Variants in HPSE2 observed in about 807,000 individuals in gnomAD.
HPSE2 encodes the protein heparanase 2 (inactive), also known as inactive heparanase-2.
A neutral mutation model predicts 60.5 loss-of-function variants in HPSE2; 38 were observed. That is an observed-to-expected ratio of 0.63 (90% CI 0.48 to 0.82). The LOEUF is 0.82. Among genes scored for constraint, HPSE2 ranks in the 40% least tolerant of loss-of-function variants. The pLI, the probability that HPSE2 is intolerant of heterozygous loss-of-function variation, is 0.00. For missense variants in HPSE2, 713 were observed against 740.4 expected (o/e 0.96, Z 0.43); for synonymous variants, 295 against 293.2 (o/e 1.01, Z -0.06).
intron 2 of HPSE2, among the ~76,000 whole-genome samples, chr10:99,167,039 C>T (rs1396545148): frequency 6.6e-6 from 1 of 151,438 alleles, no homozygotes; most frequent in Non-Finnish European, 1.5e-5. Context: ...GAGACAGAGT[C>T]TTGCTCTGTT....
chr10:98,614,569 G>C (rs1945849185), intron 9 of HPSE2, among the ~76,000 whole-genome samples: 1 of 152,088 alleles, frequency 6.6e-6, no homozygotes, highest in East Asian at 1.9e-4. Flanking sequence ...TGAGATTACA[G>C]GCGTGAGCCA....
At chr10:98,981,193 A>T (rs1245938620) in intron 3 of HPSE2, among the ~76,000 whole-genome samples, 1 of 152,182 alleles carries the variant, frequency 6.6e-6, no homozygotes, top group Non-Finnish European at 1.5e-5. Context: ...TACTGGTGAA[A>T]CAGTCAAATT....
At chr10:98,571,163 G>A (rs1299018430) in intron 9 of HPSE2, among the ~76,000 whole-genome samples, 1 of 152,166 alleles carries the variant, frequency 6.6e-6, no homozygotes, top group Non-Finnish European at 1.5e-5. Flanking sequence ...CCTAATGTAT[G>A]TCAGTGCTTG....
chr10:98,528,625 T>C (rs567407286), intron 9 of HPSE2, among the ~76,000 whole-genome samples: 1 of 152,024 alleles, frequency 6.6e-6, no homozygotes, highest in African/African-American at 2.4e-5. Flanking sequence ...GACTGGTAAA[T>C]GAAAGGAAGG....
At chr10:98,714,730 C>T (rs189620486) in intron 5 of HPSE2, among the ~76,000 whole-genome samples, 1 of 151,942 alleles carries the variant, frequency 6.6e-6, no homozygotes, top group East Asian at 1.9e-4. Context: ...ATGTTAATTA[C>T]ATTTAACATT....
At chr10:98,610,707 C>A (rs775691572) in intron 9 of HPSE2, among the ~76,000 whole-genome samples, 7 of 152,138 alleles carry the variant, frequency 4.6e-5, no homozygotes, top group Non-Finnish European at 8.8e-5. Context: ...AAATTGTAGT[C>A]CCACAAACAC....
chr10:98,870,893 G>A (rs1952712803), intron 3 of HPSE2, among the ~76,000 whole-genome samples: 1 of 151,162 alleles, frequency 6.6e-6, no homozygotes, highest in Non-Finnish European at 1.5e-5. Flanking sequence ...TGCTATCCTT[G>A]CAGTAATGAG....
intron 3 of HPSE2, among the ~76,000 whole-genome samples, chr10:98,861,621 G>A (rs1428238156): frequency 6.6e-6 from 1 of 152,094 alleles, no homozygotes; most frequent in African/African-American, 2.4e-5. Flanking sequence ...GAACAAGAAA[G>A]GGCCTTGGCA....
chr10:99,067,551 C>T (rs1024106295), intron 3 of HPSE2, among the ~76,000 whole-genome samples: 2 of 152,198 alleles, frequency 1.3e-5, no homozygotes, highest in African/African-American at 4.8e-5. Context: ...GCTGCCAAAG[C>T]TTAGGGCTTG....
rs563815771 is a variant in HPSE2 at position 98,869,007 on chromosome 10, T to C, written c.611-124951A>G. Among the ~76,000 whole-genome samples, 6 of 152,204 alleles carry C rather than the reference T, an allele frequency of 3.9e-5. No homozygotes were observed. In the East Asian group the frequency reaches 1.2e-3, roughly 29 times the overall value. The stretch of plus-strand genomic sequence containing the variant: ...TGTGGTGCCCAATTGCATGTGTGCA[T>C]GTCTCTGTGTGTGTGTGGTGCGTAT... On this transcript the variant is annotated intron_variant, in intron 3 of 11. Coordinates refer to ENST00000370552, the MANE Select transcript of HPSE2 (RefSeq NM_021828.5).
At chr10:98,878,912 G>A (rs1429838492) in intron 3 of HPSE2, among the ~76,000 whole-genome samples, 2 of 151,906 alleles carry the variant, frequency 1.3e-5, no homozygotes, top group African/African-American at 4.8e-5. Flanking sequence ...GAGAGAGACT[G>A]GAGGATAGAT....
chr10:98,643,306 C>A (rs1946684266), intron 6 of HPSE2, among the ~76,000 whole-genome samples: 1 of 152,128 alleles, frequency 6.6e-6, no homozygotes, highest in South Asian at 2.1e-4. Context: ...AATGAGCTAA[C>A]AGATGTAAAG....
In HPSE2 at chr10:98,909,502, C is replaced by T. The variant is rs541660726; in HGVS notation, c.611-165446G>A. Among the ~76,000 whole-genome samples, 22 of 151,476 alleles carry T rather than the reference C, an allele frequency of 1.5e-4. 1 individual carries two copies. In the South Asian group the frequency reaches 4.2e-3, roughly 29 times the overall value. ...AAAATTAGCTGGGCGTGGTGGTGGG[C>T]GCCTGTAATCCCAGCTACTCGGGAG... On this transcript the variant is annotated intron_variant, in intron 3 of 11. Transcript: ENST00000370552.
At position 98,598,055 on chromosome 10, in the gene HPSE2, C is replaced by CT. The variant is rs567586137; in HGVS notation, c.1320+16848dup. ...TAGGCTTTCTTCATTCCCTTTCATTCTTTTTTTTTTCTTTTTTCCACCTCT... is the reference window on the plus strand; with the variant it reads ...TAGGCTTTCTTCATTCCCTTTCATTCTTTTTTTTTTTCTTTTTTCCACCTCT... On this transcript the variant is annotated intron_variant, in intron 9 of 11. Coordinates refer to ENST00000370552, the MANE Select transcript of HPSE2 (RefSeq NM_021828.5). 5.2e-3 allele frequency among the ~76,000 whole-genome samples: 724 copies of CT among 138,352 alleles called. 6 individuals carry two copies. Among genetic ancestry groups the CT allele is most frequent in the African/African-American group, 0.018 (667 of 37,888 alleles). The allele number at this position is 138,352 out of a possible 152,430, so 90.8% of individuals were successfully genotyped here. A position where few individuals can be genotyped will look rare whatever the true frequency, so the allele number is the denominator to read the frequency against.
chr10:98,523,158 T>A (rs913638753), intron 9 of HPSE2, among the ~76,000 whole-genome samples: 3 of 152,206 alleles, frequency 2.0e-5, no homozygotes, highest in African/African-American at 4.8e-5. Flanking sequence ...TCCTTACTAT[T>A]CAGAAGGTAA....
At position 98,458,452 on chromosome 10, in the gene HPSE2, T is replaced by C. The variant is rs1940139268; in HGVS notation, c.*1122A>G. Reference sequence around the variant, plus strand: ...CATAGTTTTGGCCAGATCTTCATTCTCTAGATTCCCTATTCTCTCCCAAAA... The same window carrying C: ...CATAGTTTTGGCCAGATCTTCATTCCCTAGATTCCCTATTCTCTCCCAAAA... On this transcript the variant is annotated 3_prime_UTR_variant, in exon 12 of 12. Transcript: ENST00000370552. The C allele has an allele frequency of 6.6e-6, 1 of 152,220 alleles. No individual in the cohort carries two copies. The allele number at this position is 152,220 out of a possible 1,614,324, so 9.4% of individuals were successfully genotyped here. A position where few individuals can be genotyped will look rare whatever the true frequency, so the allele number is the denominator to read the frequency against.
chr10:98,882,137 G>A (rs1211262938), intron 3 of HPSE2, among the ~76,000 whole-genome samples: 1 of 151,982 alleles, frequency 6.6e-6, no homozygotes, highest in African/African-American at 2.4e-5. Context: ...CATGCCTTGG[G>A]TAGCTGCTAG....
rs147392893 is a variant in HPSE2, at chr10:98,826,478, T to A, written c.611-82422A>T. Among the ~76,000 whole-genome samples, 101 of 152,254 alleles carry A rather than the reference T, an allele frequency of 6.6e-4. 1 individual carries two copies. The highest frequency in any genetic ancestry group is 2.4e-3 in the African/African-American group (98 of 41,546). On this transcript the variant is annotated intron_variant, in intron 3 of 11. Transcript: ENST00000370552. Reference sequence around the variant, plus strand: ...CTTTGACACTATTTTCATAGAAAGGTTGGGGTATATATCTCCTGTCCTTGA... The same window carrying A: ...CTTTGACACTATTTTCATAGAAAGGATGGGGTATATATCTCCTGTCCTTGA...
At chr10:99,067,441 G>A (rs1043748255) in intron 3 of HPSE2, among the ~76,000 whole-genome samples, 1 of 152,210 alleles carries the variant, frequency 6.6e-6, no homozygotes, top group Admixed American at 6.5e-5. Context: ...ATTCTGCCTG[G>A]ACATCCAGGC....
Sources: allele counts gnomAD v4.1 joint callset (sites outside exome capture counted in the v4.1 genomes callset), GRCh38; gene constraint gnomAD v4.1.1; transcripts MANE v1.5; gene names NCBI Gene and HGNC (gene_info 2026-07-23, HGNC 2026-07-21).